CSTPP1: variants seen among roughly 807,000 people sequenced by gnomAD.
The protein encoded by CSTPP1 is UPF0705 protein C11orf49.
At chr11:47,067,082 A>T in the CSTPP1 span, among the ~76,000 whole-genome samples, 1 of 152,194 alleles carries the variant, frequency 6.6e-6, no homozygotes, top group Non-Finnish European at 1.5e-5. Flanking sequence ...TTAAGGTAAA[A>T]GTGTGCCAAA....
chr11:47,099,098 T>TA, the CSTPP1 span, among the ~76,000 whole-genome samples: 1 of 152,148 alleles, frequency 6.6e-6, no homozygotes. Context: ...TCTGAAAACT[T>TA]AGATCTAACT....
At chr11:47,093,649 GTTTGT>G in the CSTPP1 span, among the ~76,000 whole-genome samples, 1 of 152,190 alleles carries the variant, frequency 6.6e-6, no homozygotes, top group Non-Finnish European at 1.5e-5. Context: ...TTGAGTCCCA[GTTTGT>G]ATACTTTTTT....
the CSTPP1 span, among the ~76,000 whole-genome samples, chr11:46,989,871 C>T: frequency 6.6e-6 from 1 of 152,262 alleles, no homozygotes; most frequent in African/African-American, 2.4e-5. Context: ...ATGTTTAGCT[C>T]CCACTTATAA....
the CSTPP1 span, chr11:46,987,581 T>C: frequency 6.2e-6 from 2 of 323,628 alleles, no homozygotes; most frequent in African/African-American, 4.2e-5. Context: ...TAGGTTTCTC[T>C]TTTAACTTTC....
the CSTPP1 span, among the ~76,000 whole-genome samples, chr11:47,117,643 G>A: frequency 1.3e-5 from 2 of 152,134 alleles, no homozygotes; most frequent in African/African-American, 4.8e-5. Context: ...TCTTTGTGGT[G>A]GTGTCTGTAT....
At chr11:47,079,282 C>G in the CSTPP1 span, among the ~76,000 whole-genome samples, 1,297 of 152,184 alleles carry the variant, frequency 8.5e-3, 10 homozygotes, top group Non-Finnish European at 0.015. Context: ...TGGAGAACAC[C>G]TGGATTCAGA....
the CSTPP1 span, among the ~76,000 whole-genome samples, chr11:47,111,921 T>C: frequency 1.3e-5 from 2 of 152,242 alleles, no homozygotes; most frequent in Admixed American, 6.5e-5. Flanking sequence ...TCTTTGCTTA[T>C]AGAGCTAAAA....
the CSTPP1 span, among the ~76,000 whole-genome samples, chr11:47,154,192 C>T: frequency 3.9e-5 from 6 of 152,110 alleles, no homozygotes; most frequent in African/African-American, 1.4e-4. Flanking sequence ...CCATCTCGGC[C>T]TCCCAAAGTG....
the CSTPP1 span, chr11:47,041,687 G>T: frequency 2.1e-6 from 1 of 484,942 alleles, no homozygotes; most frequent in South Asian, 1.8e-5. Flanking sequence ...CCCTGGCTGG[G>T]GTCAATTTCC....
chr11:47,162,986 C>T, the CSTPP1 span, among the ~76,000 whole-genome samples: 1 of 151,942 alleles, frequency 6.6e-6, no homozygotes, highest in African/African-American at 2.4e-5. Flanking sequence ...TCAGGACCAC[C>T]CTGGGAAACA....
chr11:47,071,631 C>T, the CSTPP1 span, among the ~76,000 whole-genome samples: 2 of 152,120 alleles, frequency 1.3e-5, no homozygotes, highest in South Asian at 2.1e-4. Flanking sequence ...ATAATGAATG[C>T]CTGCTGGGTC....
At chr11:46,946,135 A>T in the CSTPP1 span, among the ~76,000 whole-genome samples, 1 of 152,204 alleles carries the variant, frequency 6.6e-6, no homozygotes, top group Non-Finnish European at 1.5e-5. Context: ...ACCCTTGCCT[A>T]CCTCCATTTC....
At chr11:47,070,818 C>T in the CSTPP1 span, among the ~76,000 whole-genome samples, 1 of 152,132 alleles carries the variant, frequency 6.6e-6, no homozygotes, top group Non-Finnish European at 1.5e-5. Flanking sequence ...GTATTGCCTA[C>T]TAATGAAATA....
the CSTPP1 span, among the ~76,000 whole-genome samples, chr11:47,043,100 A>G: frequency 6.6e-6 from 1 of 152,340 alleles, no homozygotes; most frequent in East Asian, 1.9e-4. Context: ...CAGAAGGCGT[A>G]GGTAACTGAA....
the CSTPP1 span, among the ~76,000 whole-genome samples, chr11:47,113,704 T>A: frequency 1.3e-5 from 2 of 152,234 alleles, no homozygotes; most frequent in Non-Finnish European, 2.9e-5. Flanking sequence ...GTTGTTTTTT[T>A]TCTTGTAAAT....
At chr11:47,055,239 T>C in the CSTPP1 span, among the ~76,000 whole-genome samples, 1 of 152,100 alleles carries the variant, frequency 6.6e-6, no homozygotes, top group Non-Finnish European at 1.5e-5. Context: ...GGTCTCCTAC[T>C]TTCATATTAT....
the CSTPP1 span, among the ~76,000 whole-genome samples, chr11:46,971,401 T>G: frequency 1.6e-4 from 25 of 152,216 alleles, no homozygotes; most frequent in Non-Finnish European, 3.1e-4. Flanking sequence ...TATAATCTGG[T>G]GTAATCTTTC....
the CSTPP1 span, among the ~76,000 whole-genome samples, chr11:47,037,493 G>C: frequency 1.7e-5 from 2 of 118,166 alleles, 1 homozygote; most frequent in Admixed American, 1.9e-4. Flanking sequence ...ATAAACAAGT[G>C]AACAAAGGTC....
At chr11:46,958,013 C>A in the CSTPP1 span, among the ~76,000 whole-genome samples, 1 of 152,152 alleles carries the variant, frequency 6.6e-6, no homozygotes, top group Non-Finnish European at 1.5e-5. Context: ...TTCTTTGCCA[C>A]CTCTGAGACA....
Sources: gnomAD v4.1 joint callset for allele counts (sites outside exome capture counted in the v4.1 genomes callset) on GRCh38, gnomAD v4.1.1 for gene constraint, MANE v1.5 for transcripts, NCBI Gene and HGNC (gene_info 2026-07-23, HGNC 2026-07-21) for gene names.